EPB41L5: variants seen among roughly 807,000 people sequenced by gnomAD.
EPB41L5 encodes the protein band 4.1-like protein 5.
Under a neutral mutation model 106.6 loss-of-function variants are expected in EPB41L5, and 55 were observed. The observed-to-expected ratio is 0.52, with a 90% CI of 0.42 to 0.65. EPB41L5 has a LOEUF of 0.65. Among genes scored for constraint, EPB41L5 ranks in the 30% least tolerant of loss-of-function variants. EPB41L5 has a pLI of 0.00. For missense variants in EPB41L5, 871 were observed against 882.1 expected (o/e 0.99, Z 0.16); for synonymous variants, 297 against 306.7 (o/e 0.97, Z 0.33).
intron 2 of EPB41L5, among the ~76,000 whole-genome samples, chr2:120,039,215 T>C (rs1679236951): frequency 6.6e-6 from 1 of 152,044 alleles, no homozygotes; most frequent in African/African-American, 2.4e-5. Context: ...GTGAGATACA[T>C]GGGATGGGCA....
At chr2:120,174,105 G>A (rs1216911568) in intron 24 of EPB41L5, among the ~76,000 whole-genome samples, 1 of 152,144 alleles carries the variant, frequency 6.6e-6, no homozygotes, top group Non-Finnish European at 1.5e-5. Flanking sequence ...TTTTCACACG[G>A]CTCTAACAAA....
intron 3 of EPB41L5, among the ~76,000 whole-genome samples, chr2:120,049,248 T>C (rs1232815772): frequency 6.6e-6 from 1 of 152,186 alleles, no homozygotes; most frequent in African/African-American, 2.4e-5. Context: ...ATCTGTCTGA[T>C]GTTGACAGTG....
chr2:120,100,797 C>T lies in EPB41L5; in HGVS notation c.1320C>T (p.Asp440=). 1 of 1,601,860 alleles carries T rather than the reference C, an allele frequency of 6.2e-7. No individual in the cohort carries two copies. The highest frequency in any genetic ancestry group is 8.5e-7 in the Non-Finnish European group (1 of 1,171,962). ...ATCTTCCACAGAGTCCTGGAACAGA[C>T]CAGCATGACAGGAAATGGTTTGTTA... ...IENLPQSPGT[D]QHDRKCIPLN... Residue 440 remains aspartate, a synonymous_variant, in exon 16 of 25, where the codon GAC becomes GAT. Coordinates refer to ENST00000263713, the MANE Select transcript of EPB41L5 (RefSeq NM_020909.4).
At chr2:120,054,195 G>T (rs1369554851) in intron 3 of EPB41L5, among the ~76,000 whole-genome samples, 1 of 152,170 alleles carries the variant, frequency 6.6e-6, no homozygotes, top group Non-Finnish European at 1.5e-5. Flanking sequence ...TTTGCCGTTT[G>T]TGTATCTTCT....
chr2:120,054,889 G>T (rs1429330923), intron 3 of EPB41L5, among the ~76,000 whole-genome samples: 3 of 139,718 alleles, frequency 2.1e-5, no homozygotes, highest in African/African-American at 2.7e-5. Flanking sequence ...TTTTTGAGAC[G>T]GAGTTTCACT....
At chr2:120,054,517 A>G (rs1390755180) in intron 3 of EPB41L5, among the ~76,000 whole-genome samples, 2 of 7,166 alleles carry the variant, frequency 2.8e-4, no homozygotes, top group Non-Finnish European at 3.5e-4. Context: ...TTTTTTGAGA[A>G]AGAGTCTCAC....
At chr2:120,074,070 A>G (rs746282134) in intron 4 of EPB41L5, 30 bp from the exon 5 acceptor site, 3 of 1,516,948 alleles carry the variant, frequency 2.0e-6, no homozygotes, top group Admixed American at 1.8e-5. Context: ...AGTTTATTTT[A>G]TTAAAACCTT....
chr2:120,165,237 C>A (rs111608412), intron 22 of EPB41L5, among the ~76,000 whole-genome samples: 1 of 152,140 alleles, frequency 6.6e-6, no homozygotes, highest in Admixed American at 6.5e-5. Context: ...AAGATGAGAG[C>A]GTAAGAATGG....
intron 3 of EPB41L5, among the ~76,000 whole-genome samples, chr2:120,071,881 A>G (rs938824745): frequency 1.2e-4 from 19 of 152,180 alleles, no homozygotes; most frequent in African/African-American, 4.6e-4. Context: ...CAAAAACTTC[A>G]AACTAAAACA....
chr2:120,101,035 CCTTA>C (rs1684112953), intron 16 of EPB41L5, among the ~76,000 whole-genome samples: 1 of 152,106 alleles, frequency 6.6e-6, no homozygotes, highest in Non-Finnish European at 1.5e-5. Context: ...AGACAGCTGT[CCTTA>C]CTTATTATTT....
Position 120,072,946 on chromosome 2 carries a change from A to G in EPB41L5, c.286-232A>G, listed in dbSNP as rs976500358. On this transcript the variant is annotated intron_variant, in intron 3 of 24. Transcript: ENST00000263713. ...AAAGTATTTAAAAAAAAAAAAAGTC[A>G]TCTGTCAGGTTTTAGGTCGTTTTTG... Among the ~76,000 whole-genome samples, 3 of 150,136 alleles carry G rather than the reference A, an allele frequency of 2.0e-5. No homozygotes were observed. The South Asian group carries it at 6.3e-4, about 32-fold the overall frequency.
chr2:120,143,062 G>C lies in EPB41L5; in HGVS notation c.1659G>C (p.Leu553Phe), dbSNP rs1558903278. 1 of 1,612,546 alleles carries C rather than the reference G, an allele frequency of 6.2e-7. No individual in the cohort carries two copies. Among genetic ancestry groups the C allele is most frequent in the African/African-American group, 1.3e-5 (1 of 74,898 alleles). ...ATAATGTCATTGAGAGCCCAGGATT[G>C]AATGTCATGAGAGTTCCTCCTGACT... ...CLNNVIESPGLNVMRVPPDFK... is the reference protein window; with the variant it reads ...CLNNVIESPGFNVMRVPPDFK... The change falls in exon 19 of 25, where the codon TTG (leucine) becomes TTC (phenylalanine). Residue 553 changes from leucine (L) to phenylalanine (F), a missense_variant. Leu to Phe is a conservative substitution (Grantham distance 22). Coordinates refer to ENST00000263713, the MANE Select transcript of EPB41L5 (RefSeq NM_020909.4).
chr2:120,017,078 G>A (rs758516309), intron 1 of EPB41L5, among the ~76,000 whole-genome samples: 1 of 152,156 alleles, frequency 6.6e-6, no homozygotes, highest in African/African-American at 2.4e-5. Context: ...GATTTTATCG[G>A]GTTTATAAAT....
chr2:120,043,459 A>G (rs922395170), intron 3 of EPB41L5, among the ~76,000 whole-genome samples: 3 of 152,066 alleles, frequency 2.0e-5, no homozygotes, highest in Non-Finnish European at 2.9e-5. Context: ...AGGTGGGAGA[A>G]TCGCTTGAAC....
intron 3 of EPB41L5, among the ~76,000 whole-genome samples, chr2:120,070,384 C>T (rs920478447): frequency 2.0e-5 from 3 of 152,112 alleles, no homozygotes; most frequent in Non-Finnish European, 4.4e-5. Context: ...AGATTCACAG[C>T]CGAATTCTAC....
rs1266717297 is a variant in EPB41L5, at chr2:120,078,650, C to T, written c.803+69C>T. 8.9e-6 allele frequency: 9 copies of T among 1,014,704 alleles called. No homozygotes were observed. The East Asian group carries it at 1.8e-4, about 20-fold the overall frequency. 62.9% of individuals were successfully genotyped at this position (1,014,704 alleles called of 1,614,324 possible). On this transcript the variant is annotated intron_variant, in intron 10 of 24. Transcript: ENST00000263713. ...TTTTAATGAGTAAATAAAGTTAATACATAAACAAGTTTGGAAATCAAATAG... is the reference window on the plus strand; with the variant it reads ...TTTTAATGAGTAAATAAAGTTAATATATAAACAAGTTTGGAAATCAAATAG...
Position 120,076,580 on chromosome 2 carries a change from A to G in EPB41L5, c.506-391A>G, listed in dbSNP as rs578135691. 2.7e-5 allele frequency among the ~76,000 whole-genome samples: 4 copies of G among 148,020 alleles called. No individual in the cohort carries two copies. The South Asian group carries it at 8.4e-4, about 31-fold the overall frequency. ...CTCCCAAAGTACTGTGACTATAAGC[A>G]TGAACCACCACACCCAGCCTTAGTA... On this transcript the variant is annotated intron_variant, in intron 7 of 24. Transcript: ENST00000263713.
At chr2:120,061,835 A>T (rs1414672418) in intron 3 of EPB41L5, among the ~76,000 whole-genome samples, 2 of 152,152 alleles carry the variant, frequency 1.3e-5, no homozygotes, top group Non-Finnish European at 2.9e-5. Flanking sequence ...TCTTTTTCTT[A>T]AATTGTTTGG....
intron 16 of EPB41L5, among the ~76,000 whole-genome samples, chr2:120,109,708 C>G (rs1440223685): frequency 6.6e-6 from 1 of 152,182 alleles, no homozygotes; most frequent in East Asian, 1.9e-4. Context: ...TAGCTCACAT[C>G]ATTTAAAAAA....
Sources: gnomAD v4.1 joint callset for allele counts (sites outside exome capture counted in the v4.1 genomes callset) on GRCh38, gnomAD v4.1.1 for gene constraint, MANE v1.5 for transcripts, NCBI Gene and HGNC (gene_info 2026-07-23, HGNC 2026-07-21) for gene names.